Variants in CLMP observed in about 807,000 individuals in gnomAD.
The protein encoded by CLMP is CXADR-like membrane protein.
Under a neutral mutation model 45.2 loss-of-function variants are expected in CLMP, and 27 were observed. The observed-to-expected ratio is 0.60, with a 90% CI of 0.44 to 0.82. The LOEUF is 0.82. Among genes scored for constraint, CLMP ranks in the 40% least tolerant of loss-of-function variants. The pLI is 0.00. For synonymous variants in CLMP, 167 were observed against 171.4 expected (o/e 0.97, Z 0.20); for missense variants, 403 against 448.4 (o/e 0.90, Z 0.91).
At chr11:123,186,916 G>A (rs1748470303) in intron 1 of CLMP, among the ~76,000 whole-genome samples, 1 of 152,150 alleles carries the variant, frequency 6.6e-6, no homozygotes, top group African/African-American at 2.4e-5. Flanking sequence ...AGTGGCCAAA[G>A]CCCCAAATGC....
At chr11:123,124,960 G>A (rs1860868550) in intron 1 of CLMP, among the ~76,000 whole-genome samples, 1 of 152,104 alleles carries the variant, frequency 6.6e-6, no homozygotes, top group Non-Finnish European at 1.5e-5. Context: ...GCAGTGGTGA[G>A]ATCCCGGTTC....
At chr11:123,180,268 C>T (rs1053404093) in intron 1 of CLMP, among the ~76,000 whole-genome samples, 3 of 152,192 alleles carry the variant, frequency 2.0e-5, no homozygotes, top group Non-Finnish European at 2.9e-5. Flanking sequence ...TTGGCACATT[C>T]GGTCTAATGT....
intron 2 of CLMP, among the ~76,000 whole-genome samples, chr11:123,086,703 G>A (rs181582860): frequency 1.1e-4 from 17 of 152,278 alleles, no homozygotes. Context: ...CCTGGATGTG[G>A]TACTTGTTTG....
At chr11:123,150,504 G>GAAAGAAA (rs1555084572) in intron 1 of CLMP, among the ~76,000 whole-genome samples, 2 of 116,552 alleles carry the variant, frequency 1.7e-5, no homozygotes, top group Non-Finnish European at 3.6e-5. Context: ...AGGAAGGAAG[G>GAAAGAAA]AAGGAAGGAA....
intron 1 of CLMP, among the ~76,000 whole-genome samples, chr11:123,184,690 A>G (rs1475179589): frequency 1.3e-5 from 2 of 152,240 alleles, no homozygotes; most frequent in Non-Finnish European, 2.9e-5. Context: ...TTGACCACTA[A>G]TAAGGCTAAA....
intron 1 of CLMP, among the ~76,000 whole-genome samples, chr11:123,100,288 G>A (rs554817058): frequency 2.6e-5 from 4 of 152,076 alleles, no homozygotes; most frequent in African/African-American, 7.2e-5. Flanking sequence ...GGCTGAGGCT[G>A]GAGAATCGCT....
At position 123,070,589 on chromosome 11, in the gene CLMP, C is replaced by T. The variant is rs1380718416; in HGVS notation, c.*2885G>A. ...AAGCATAGGCAGGAAACCTTAGGTT[C>T]AAAGGTAGTAAATAATGATGAGCAA... On this transcript the variant is annotated 3_prime_UTR_variant, in exon 7 of 7. Transcript: ENST00000448775. 1 of 152,094 alleles carries T rather than the reference C, an allele frequency of 6.6e-6. No individual in the cohort carries two copies. Among genetic ancestry groups the T allele is most frequent in the Non-Finnish European group, 1.5e-5 (1 of 68,018 alleles). The allele number at this position is 152,094 out of a possible 1,614,324, so 9.4% of individuals were successfully genotyped here.
intron 1 of CLMP, among the ~76,000 whole-genome samples, chr11:123,146,797 C>T (rs540002224): frequency 6.6e-6 from 1 of 152,170 alleles, no homozygotes; most frequent in East Asian, 1.9e-4. Context: ...AGACCTCCTC[C>T]TCAAAGACCA....
chr11:123,115,248 G>C (rs925824423), intron 1 of CLMP, among the ~76,000 whole-genome samples: 5 of 151,088 alleles, frequency 3.3e-5, no homozygotes, highest in African/African-American at 1.2e-4. Flanking sequence ...AGGTCTTGCT[G>C]TGTTGCCCAG....
In CLMP at chr11:123,074,814, C is replaced by A. The variant is rs373546441; in HGVS notation, c.709G>T (p.Ala237Ser). The part of the protein sequence containing the change: ...YVQSIGMVAG[A>S]VTGIVAGALL... The stretch of plus-strand genomic sequence containing the variant: ...GCTCCAGCCACTATGCCTGTCACTG[C>A]TCCTGCAACCATGCCGATGCTTTGT... Residue 237 changes from alanine to serine, a missense_variant, in exon 6 of 7, where the codon GCA becomes TCA. Coordinates refer to ENST00000448775, the MANE Select transcript of CLMP (RefSeq NM_024769.5). The A allele has an allele frequency of 1.2e-6, 2 of 1,614,090 alleles. No homozygotes were observed. The highest frequency in any genetic ancestry group is 1.7e-6 in the Non-Finnish European group (2 of 1,179,994).
chr11:123,164,925 T>C (rs1861537981), intron 1 of CLMP, among the ~76,000 whole-genome samples: 1 of 152,180 alleles, frequency 6.6e-6, no homozygotes, highest in African/African-American at 2.4e-5. Flanking sequence ...CCAAAGAATG[T>C]TATAACATAA....
At chr11:123,102,375 G>A (rs111911622) in intron 1 of CLMP, among the ~76,000 whole-genome samples, 13,123 of 144,214 alleles carry the variant, frequency 0.091, 646 homozygotes, top group South Asian at 0.15. Flanking sequence ...CCGACTCCCC[G>A]GTTCAAGTGA....
chr11:123,100,402 A>G (rs1866042343), intron 1 of CLMP, among the ~76,000 whole-genome samples: 1 of 151,568 alleles, frequency 6.6e-6, no homozygotes, highest in South Asian at 2.1e-4. Flanking sequence ...AAAAAACCAA[A>G]GATTGTTTTC....
chr11:123,153,287 T>C (rs1861367602), intron 1 of CLMP, among the ~76,000 whole-genome samples: 1 of 152,178 alleles, frequency 6.6e-6, no homozygotes, highest in Admixed American at 6.6e-5. Context: ...TCAGATATTT[T>C]CTCTCCAAGA....
At position 123,073,328 on chromosome 11, in the gene CLMP, C is replaced by T. The variant is rs912599541; in HGVS notation, c.*146G>A. The T allele has an allele frequency of 7.9e-6, 7 of 885,650 alleles. No individual in the cohort carries two copies. The highest frequency in any genetic ancestry group is 1.0e-5 in the Non-Finnish European group (6 of 577,996). 54.9% of individuals were successfully genotyped at this position (885,650 alleles called of 1,614,324 possible). On this transcript the variant is annotated 3_prime_UTR_variant, in exon 7 of 7. Transcript: ENST00000448775. ...TGTTTGGTATTGTATAAGGAAAATG[C>T]TCATCTGAATCTGTTCCGTGCAATG...
intron 2 of CLMP, among the ~76,000 whole-genome samples, chr11:123,094,909 T>C (rs1865972228): frequency 6.6e-6 from 1 of 152,190 alleles, no homozygotes; most frequent in African/African-American, 2.4e-5. Flanking sequence ...TAGCTGAGAT[T>C]GCAGACACTA....
chr11:123,169,811 C>T (rs547877966), intron 1 of CLMP, among the ~76,000 whole-genome samples: 27 of 152,216 alleles, frequency 1.8e-4, no homozygotes, highest in African/African-American at 5.8e-4. Flanking sequence ...TGGGACAACT[C>T]GAAGCAGAGG....
intron 1 of CLMP, among the ~76,000 whole-genome samples, chr11:123,174,654 C>T (rs1289985024): frequency 6.6e-6 from 1 of 152,192 alleles, no homozygotes; most frequent in African/African-American, 2.4e-5. Flanking sequence ...CTGGTCTATC[C>T]ATCTTCTAAA....
chr11:123,136,306 C>T (rs1431541871), intron 1 of CLMP: 3 of 636,570 alleles, frequency 4.7e-6, no homozygotes, highest in Admixed American at 1.9e-5. Flanking sequence ...GGTGTCTTCG[C>T]GCATACTCAG....
Sources: allele counts gnomAD v4.1 joint callset (sites outside exome capture counted in the v4.1 genomes callset), GRCh38; gene constraint gnomAD v4.1.1; transcripts MANE v1.5; gene names NCBI Gene and HGNC (gene_info 2026-07-23, HGNC 2026-07-21).